Variants in PAM16 observed in about 807,000 individuals in gnomAD.
The protein encoded by PAM16 is mitochondrial import inner membrane translocase subunit TIM16.
A neutral mutation model predicts 17.9 loss-of-function variants in PAM16; 11 were observed. That is an observed-to-expected ratio of 0.62 (90% confidence interval 0.39 to 1.02). PAM16 has a LOEUF of 1.02. PAM16 is among the 50% of genes least tolerant of loss of function. The pLI is 0.01. For missense variants in PAM16, 199 were observed against 165.4 expected (o/e 1.20, Z -1.11); for synonymous variants, 72 against 67.4 (o/e 1.07, Z -0.34).
At chr16:4,350,433 A>G (rs1461863944) in intron 1 of PAM16, among the ~76,000 whole-genome samples, 5 of 151,034 alleles carry the variant, frequency 3.3e-5, no homozygotes, top group Admixed American at 3.3e-4. Context: ...ACGCAGTCTC[A>G]CCCTGTCGCC....
rs576809767 is a variant in PAM16, at chr16:4,340,781, G to A, written c.291+139C>T. ...CAGTTCAGGGGGCCTCCCTGAGGCT[G>A]GGGCACCATGGGAAAGCCTGGCACA... On this transcript the variant is annotated intron_variant, in intron 4 of 4. Coordinates refer to ENST00000318059, the MANE Select transcript of PAM16 (RefSeq NM_016069.11). 3.6e-6 allele frequency: 4 copies of A among 1,114,208 alleles called. No homozygotes were observed. The Admixed American group carries it at 5.3e-5, about 15-fold the overall frequency. The allele number at this position is 1,114,208 out of a possible 1,614,324, so 69.0% of individuals were successfully genotyped here. A position where few individuals can be genotyped will look rare whatever the true frequency, so the allele number is the denominator to read the frequency against.
intron 1 of PAM16, chr16:4,350,984 G>A (rs1596257626): frequency 3.2e-6 from 1 of 312,752 alleles, no homozygotes; most frequent in East Asian, 5.1e-5. Context: ...CTCACACGCG[G>A]GCTAGGCACA....
chr16:4,349,155 C>G (rs2053807487), intron 1 of PAM16, among the ~76,000 whole-genome samples: 1 of 151,452 alleles, frequency 6.6e-6, no homozygotes, highest in Non-Finnish European at 1.5e-5. Context: ...CGGGGTTTCA[C>G]CATGTTAGCC....
At chr16:4,341,257 C>T in intron 3 of PAM16, 111 bp downstream of exon 3, 5 of 1,468,080 alleles carry the variant, frequency 3.4e-6, no homozygotes, top group Non-Finnish European at 4.6e-6. Context: ...GGAGTCCGAG[C>T]TGGGTGCAGC....
intron 1 of PAM16, chr16:4,346,025 C>T (rs559514124): frequency 8.5e-4 from 814 of 959,796 alleles, no homozygotes; most frequent in Middle Eastern, 2.7e-3. Context: ...AAATAATGAA[C>T]GGTAAGAGCT....
chr16:4,343,589 C>G (rs1438279497), intron 1 of PAM16: 1 of 1,381,136 alleles, frequency 7.2e-7, no homozygotes, highest in Non-Finnish European at 9.3e-7. Flanking sequence ...TGGCTGCAAC[C>G]ACCGGCTTCA....
intron 3 of PAM16, 49 bp downstream of exon 3, chr16:4,341,319 C>A (rs1443948215): frequency 6.5e-7 from 1 of 1,539,604 alleles, no homozygotes; most frequent in East Asian, 2.4e-5. Context: ...ACTCTTCCCA[C>A]CCTGGCAGCC....
rs2053634799 is a variant in PAM16, at chr16:4,340,943, C to T, written c.268G>A (p.Gly90Ser). Residue 90 changes from glycine (G) to serine (S), a missense_variant, in exon 4 of 5, where the codon GGC (glycine) becomes AGC (serine). By Grantham distance (56) the Gly-to-Ser change is moderately conservative (BLOSUM62 0). Coordinates refer to ENST00000318059, the MANE Select transcript of PAM16 (RefSeq NM_016069.11). ...LFKVNDKSVGGSFYLQSKVVR... is the reference protein window; with the variant it reads ...LFKVNDKSVGSSFYLQSKVVR... Reference sequence around the variant, plus strand: ...ACCTTTGACTGCAGGTAGAAGGAGCCACCCACGGATTTATCATTCACCTTA... The same window carrying T: ...ACCTTTGACTGCAGGTAGAAGGAGCTACCCACGGATTTATCATTCACCTTA... The T allele has an allele frequency of 4.3e-6, 7 of 1,613,676 alleles. No homozygotes were observed. The highest frequency in any genetic ancestry group is 5.9e-6 in the Non-Finnish European group (7 of 1,179,978).
intron 3 of PAM16, 78 bp from the exon 4 acceptor site, chr16:4,341,063 G>A (rs1437410064): frequency 6.4e-7 from 1 of 1,559,542 alleles, no homozygotes; most frequent in African/African-American, 1.4e-5. Flanking sequence ...GGGGCCACGT[G>A]AGAGAGGCAA....
intron 1 of PAM16, 60 bp from the exon 2 acceptor site, chr16:4,343,351 C>A: frequency 6.5e-7 from 1 of 1,548,744 alleles, no homozygotes; most frequent in Non-Finnish European, 8.7e-7. Flanking sequence ...CAGAGATGGG[C>A]CCTGGAAACG....
At position 4,344,351 on chromosome 16, in the gene PAM16, T is replaced by A. The variant is rs1317221099; in HGVS notation, c.4-1060A>T. 1.9e-3 allele frequency among the ~76,000 whole-genome samples: 2 copies of A among 1,036 alleles called. 1 individual carries two copies. Among genetic ancestry groups the A allele is most frequent in the Admixed American group, 0.027 (2 of 74 alleles). 0.7% of individuals were successfully genotyped at this position (1,036 alleles called of 152,430 possible). A position where few individuals can be genotyped will look rare whatever the true frequency, so the allele number is the denominator to read the frequency against. On this transcript the variant is annotated intron_variant, in intron 1 of 4. Coordinates refer to ENST00000318059, the MANE Select transcript of PAM16 (RefSeq NM_016069.11). Reference sequence around the variant, plus strand: ...TTCCGTGAGAGGAGGGGGTTCTGTGTGAGAAGAGGGGGTTCTGTGTGAGAG... The same window carrying A: ...TTCCGTGAGAGGAGGGGGTTCTGTGAGAGAAGAGGGGGTTCTGTGTGAGAG...
chr16:4,343,067 C>T lies in PAM16; in HGVS notation c.88+140G>A, dbSNP rs2053674302. 5 of 1,115,786 alleles carry T rather than the reference C, an allele frequency of 4.5e-6. 1 individual carries two copies. In the Admixed American group the frequency reaches 9.0e-5, roughly 20 times the overall value. 69.1% of individuals were successfully genotyped at this position (1,115,786 alleles called of 1,614,324 possible). On this transcript the variant is annotated intron_variant, in intron 2 of 4. Transcript: ENST00000318059. ...AGGTACCACTGAAGAATGCCCCGGT[C>T]TGGCATCACCCCCCACCATGGGAAG...
intron 2 of PAM16, among the ~76,000 whole-genome samples, chr16:4,341,883 G>A (rs559773035): frequency 1.1e-4 from 17 of 152,286 alleles, no homozygotes; most frequent in Admixed American, 3.3e-4. Context: ...GGGCCCAGCT[G>A]CCCACCTGTC....
intron 4 of PAM16, 147 bp from the exon 5 acceptor site, chr16:4,340,552 G>A: frequency 1.1e-6 from 1 of 882,376 alleles, no homozygotes; most frequent in Non-Finnish European, 1.7e-6. Flanking sequence ...GGCACCCCAG[G>A]GTCGGGGTGG....
chr16:4,341,676 G>A (rs2053650075), intron 2 of PAM16, 172 bp from the exon 3 acceptor site: 4 of 1,125,702 alleles, frequency 3.6e-6, no homozygotes, highest in East Asian at 2.6e-5. Context: ...GTAGAGGCTG[G>A]GAAAGTGAGG....
chr16:4,347,377 T>C (rs946765945), intron 1 of PAM16: 2 of 152,208 alleles, frequency 1.3e-5, no homozygotes, highest in Non-Finnish European at 2.9e-5. Context: ...TAGGTTCGCA[T>C]GAACTGCCCT....
chr16:4,350,469 C>A (rs933349533), intron 1 of PAM16, among the ~76,000 whole-genome samples: 1 of 151,926 alleles, frequency 6.6e-6, no homozygotes, highest in African/African-American at 2.4e-5. Flanking sequence ...TGGCGGATCT[C>A]GGCTCATTGC....
chr16:4,343,668 G>A lies in PAM16; in HGVS notation c.4-377C>T, dbSNP rs1001996414. ...CTGGACCTGGCAGTAACTCACTCTC[G>A]ACCCTGGGGCCGACCATCACTCTTC... On this transcript the variant is annotated intron_variant, in intron 1 of 4. Coordinates refer to ENST00000318059, the MANE Select transcript of PAM16 (RefSeq NM_016069.11). 1.9e-5 allele frequency: 15 copies of A among 799,866 alleles called. No homozygotes were observed. The South Asian group carries it at 2.7e-4, about 14-fold the overall frequency. The allele number at this position is 799,866 out of a possible 1,614,324, so 49.5% of individuals were successfully genotyped here.
Position 4,340,339 on chromosome 16 carries a change from C to G in PAM16, c.358G>C (p.Gly120Arg), listed in dbSNP as rs776238761. Residue 120 changes from glycine to arginine, a missense_variant, in exon 5 of 5, where the codon GGG becomes CGG. Coordinates refer to ENST00000318059, the MANE Select transcript of PAM16 (RefSeq NM_016069.11). The stretch of plus-strand genomic sequence containing the variant: ...AGCAGTCACGTATGGGGCATCTGCC[C>G]TTTTTCTCTGTCCTCCTGGGCCTGG... ...KIQAQEDREK[G>R]QMPHT The G allele has an allele frequency of 1.9e-6, 3 of 1,612,954 alleles. No homozygotes were observed. Among genetic ancestry groups the G allele is most frequent in the Non-Finnish European group, 2.5e-6 (3 of 1,179,874 alleles).
Sources: allele counts gnomAD v4.1 joint callset (sites outside exome capture counted in the v4.1 genomes callset), GRCh38; gene constraint gnomAD v4.1.1; transcripts MANE v1.5; gene names NCBI Gene and HGNC (gene_info 2026-07-23, HGNC 2026-07-21).